The following PCDH9 variants were observed in gnomAD, a reference collection of about 807,000 sequenced individuals.
PCDH9 encodes the protein protocadherin-9.
Under a neutral mutation model 70.6 loss-of-function variants are expected in PCDH9, and 24 were observed. That is an observed-to-expected ratio of 0.34 (90% CI 0.25 to 0.48). The LOEUF (loss-of-function observed/expected upper bound fraction) is 0.48, where lower values mean the gene tolerates loss of function less well. Ranked by LOEUF, PCDH9 falls within the 20% of genes least tolerant of loss-of-function variation. The probability of loss-of-function intolerance (pLI) is 0.99; values close to 1 mark genes in which losing one functional copy is unlikely to be tolerated. For missense variants in PCDH9, 1,281 were observed against 1,503.6 expected (o/e 0.85, Z 2.45); for synonymous variants, 562 against 558.5 (o/e 1.01, Z -0.09).
intron 4 of PCDH9, among the ~76,000 whole-genome samples, chr13:66,472,089 A>G (rs1328264430): frequency 6.6e-6 from 1 of 151,552 alleles, no homozygotes; most frequent in African/African-American, 2.4e-5. Flanking sequence ...GTGGGCACCT[A>G]TAATCCCAGC....
chr13:67,059,339 AAT>A (rs1223124092), intron 2 of PCDH9, among the ~76,000 whole-genome samples: 4 of 136,732 alleles, frequency 2.9e-5, no homozygotes, highest in African/African-American at 8.1e-5. Flanking sequence ...ACAAATTTCA[AAT>A]ATATATATAT....
intron 2 of PCDH9, among the ~76,000 whole-genome samples, chr13:67,013,346 C>G (rs868305298): frequency 1.5e-4 from 22 of 150,420 alleles, no homozygotes; most frequent in African/African-American, 4.9e-4. Flanking sequence ...ACTTTTATAT[C>G]CTATTTTTTG....
chr13:66,946,531 T>C (rs1009004747), intron 2 of PCDH9, among the ~76,000 whole-genome samples: 1 of 152,054 alleles, frequency 6.6e-6, no homozygotes, highest in African/African-American at 2.4e-5. Flanking sequence ...TTTTATAGTA[T>C]ATACAAAAAT....
intron 3 of PCDH9, among the ~76,000 whole-genome samples, chr13:66,722,838 G>A (rs1039614285): frequency 6.6e-6 from 1 of 151,786 alleles, no homozygotes; most frequent in East Asian, 1.9e-4. Flanking sequence ...CACGGTGGCA[G>A]GTACCTGTAA....
intron 2 of PCDH9, among the ~76,000 whole-genome samples, chr13:67,070,766 G>C (rs1436179319): frequency 6.6e-6 from 1 of 151,972 alleles, no homozygotes; most frequent in African/African-American, 2.4e-5. Context: ...CTAATTATTG[G>C]TTCAATTGAG....
At chr13:67,027,415 A>T (rs2084807261) in intron 2 of PCDH9, among the ~76,000 whole-genome samples, 1 of 152,224 alleles carries the variant, frequency 6.6e-6, no homozygotes, top group Admixed American at 6.5e-5. Context: ...ACAAAAATTA[A>T]TTCAAGATGG....
chr13:66,369,946 T>C (rs1433113862), intron 4 of PCDH9, among the ~76,000 whole-genome samples: 1 of 152,114 alleles, frequency 6.6e-6, no homozygotes, highest in African/African-American at 2.4e-5. Flanking sequence ...ATTTCTGACA[T>C]ATATTGGGTC....
chr13:66,645,898 G>T (rs978446614), intron 3 of PCDH9, among the ~76,000 whole-genome samples: 6 of 152,160 alleles, frequency 3.9e-5, no homozygotes, highest in Non-Finnish European at 7.4e-5. Context: ...GTAACAGAAA[G>T]ATCCAATCTA....
intron 4 of PCDH9, among the ~76,000 whole-genome samples, chr13:66,569,604 T>C (rs1048318124): frequency 7.9e-5 from 12 of 152,158 alleles, no homozygotes; most frequent in Non-Finnish European, 1.5e-4. Flanking sequence ...ATTCTATAGA[T>C]ACTCAAAACG....
At chr13:66,853,274 C>A (rs2081344074) in intron 3 of PCDH9, among the ~76,000 whole-genome samples, 1 of 151,462 alleles carries the variant, frequency 6.6e-6, no homozygotes, top group Non-Finnish European at 1.5e-5. Flanking sequence ...CTAAGAGGAT[C>A]TAAAGAGTGC....
intron 4 of PCDH9, among the ~76,000 whole-genome samples, chr13:66,423,345 C>G (rs532643357): frequency 2.0e-4 from 30 of 148,004 alleles, no homozygotes; most frequent in Admixed American, 1.3e-3. Context: ...ATACTGATAC[C>G]AAAACCTGGC....
At chr13:66,622,015 G>C (rs375474690) in intron 4 of PCDH9, among the ~76,000 whole-genome samples, 3 of 152,240 alleles carry the variant, frequency 2.0e-5, no homozygotes, top group African/African-American at 4.8e-5. Context: ...CCGGGTGGGC[G>C]TGGGCTTGGT....
chr13:66,401,383 C>G (rs1281131974), intron 4 of PCDH9, among the ~76,000 whole-genome samples: 3 of 151,786 alleles, frequency 2.0e-5, no homozygotes, highest in African/African-American at 7.3e-5. Flanking sequence ...TCATTCTTCT[C>G]ATTCCTGCTG....
intron 2 of PCDH9, among the ~76,000 whole-genome samples, chr13:67,160,294 C>A (rs973800632): frequency 1.3e-5 from 2 of 152,094 alleles, no homozygotes; most frequent in African/African-American, 4.8e-5. Context: ...GCCTGTAATC[C>A]CAACACTTTG....
intron 3 of PCDH9, among the ~76,000 whole-genome samples, chr13:66,654,321 G>T (rs9599125): frequency 1.6e-4 from 25 of 152,038 alleles, no homozygotes; most frequent in Non-Finnish European, 3.4e-4. Context: ...GGCTGGTAAG[G>T]GTAGTGGTGG....
chr13:66,574,665 T>C (rs2076786878), intron 4 of PCDH9, among the ~76,000 whole-genome samples: 1 of 152,198 alleles, frequency 6.6e-6, no homozygotes, highest in South Asian at 2.1e-4. Context: ...TAAGCCAGTG[T>C]GTCTATTTAC....
intron 2 of PCDH9, among the ~76,000 whole-genome samples, chr13:66,986,080 T>G (rs2083886202): frequency 6.6e-6 from 1 of 152,026 alleles, no homozygotes. Context: ...TAGTTCTGCA[T>G]GGCTGGGGAG....
intron 2 of PCDH9, among the ~76,000 whole-genome samples, chr13:67,119,890 C>T (rs1282699031): frequency 2.0e-5 from 3 of 152,040 alleles, no homozygotes; most frequent in Non-Finnish European, 2.9e-5. Context: ...GCTGGTAACA[C>T]TGGGTTTTAA....
At chr13:67,164,784 A>G (rs2088063919) in intron 2 of PCDH9, among the ~76,000 whole-genome samples, 1 of 151,976 alleles carries the variant, frequency 6.6e-6, no homozygotes, top group Non-Finnish European at 1.5e-5. Flanking sequence ...CATCCTGATT[A>G]TGGTTTATTT....
Sources: gnomAD v4.1 joint callset for allele counts (sites outside exome capture counted in the v4.1 genomes callset) on GRCh38, gnomAD v4.1.1 for gene constraint, MANE v1.5 for transcripts, NCBI Gene and HGNC (gene_info 2026-07-23, HGNC 2026-07-21) for gene names.